RNF212: variants seen among roughly 807,000 people sequenced by gnomAD.
RNF212 encodes ring finger protein 212.
Under a neutral mutation model 34.7 loss-of-function variants are expected in RNF212, and 33 were observed. That is an observed-to-expected ratio of 0.95 (90% CI 0.72 to 1.27). The LOEUF (loss-of-function observed/expected upper bound fraction) is 1.27, where lower values mean the gene tolerates loss of function less well. RNF212 is among the 50% of genes most tolerant of loss of function. The pLI, the probability that RNF212 is intolerant of heterozygous loss-of-function variation, is 0.00. For synonymous variants in RNF212, 140 were observed against 136.1 expected (o/e 1.03, Z -0.20); for missense variants, 377 against 362.2 (o/e 1.04, Z -0.33).
intron 1 of RNF212, 41 bp from the exon 2 acceptor site, chr4:1,108,445 C>T: frequency 9.3e-7 from 1 of 1,072,772 alleles, no homozygotes; most frequent in Non-Finnish European, 1.3e-6. Context: ...AGACTGACTA[C>T]TACTTTTAAA....
downstream of RNF212, among the ~76,000 whole-genome samples, chr4:1,068,558 T>A (rs1718241124): frequency 6.6e-6 from 1 of 152,220 alleles, no homozygotes; most frequent in South Asian, 2.1e-4. Context: ...CAATACAGTG[T>A]TATCATTGTT....
At chr4:1,064,621 G>C (rs1280406764) in intron 3 of RNF212, among the ~76,000 whole-genome samples, 1 of 152,096 alleles carries the variant, frequency 6.6e-6, no homozygotes, top group Non-Finnish European at 1.5e-5. Flanking sequence ...AAGCTCCCTG[G>C]TGTCTCTTTT....
chr4:1,083,663 C>T (rs6853838), intron 5 of RNF212, among the ~76,000 whole-genome samples: 19 of 151,982 alleles, frequency 1.3e-4, no homozygotes, highest in African/African-American at 4.6e-4. Flanking sequence ...AACAAACAAA[C>T]AAACAAACAA....
intron 2 of RNF212, among the ~76,000 whole-genome samples, chr4:1,103,120 T>C (rs549273511): frequency 1.2e-3 from 190 of 152,292 alleles, no homozygotes; most frequent in African/African-American, 3.9e-3. Flanking sequence ...AACAAGCATA[T>C]TGATGACAAG....
At position 1,113,485 on chromosome 4, in the gene RNF212, G is replaced by C. The variant is rs1726154409; in HGVS notation, c.-21C>G. ...GCCATGCCAGGCGGGCGACCGCAGCGGCGAGGCCGGGCCCACGCGAAGCCC... is the reference window on the plus strand; with the variant it reads ...GCCATGCCAGGCGGGCGACCGCAGCCGCGAGGCCGGGCCCACGCGAAGCCC... On this transcript the variant is annotated 5_prime_UTR_variant, in exon 1 of 10. Transcript: ENST00000433731. The C allele has an allele frequency of 1.9e-6, 3 of 1,593,314 alleles. No homozygotes were observed. Among genetic ancestry groups the C allele is most frequent in the Non-Finnish European group, 2.6e-6 (3 of 1,167,284 alleles).
At chr4:1,060,571 C>A (rs1184206875) in intron 3 of RNF212, among the ~76,000 whole-genome samples, 1 of 152,248 alleles carries the variant, frequency 6.6e-6, no homozygotes, top group Admixed American at 6.5e-5. Flanking sequence ...CCCACAACAT[C>A]TTCCAGCGCA....
intron 2 of RNF212, among the ~76,000 whole-genome samples, chr4:1,097,361 T>C (rs1172879967): frequency 1.3e-5 from 2 of 151,984 alleles, no homozygotes; most frequent in Non-Finnish European, 2.9e-5. Flanking sequence ...TCTCAGCACT[T>C]TGGGAGGCCG....
intron 8 of RNF212, among the ~76,000 whole-genome samples, chr4:1,077,244 AC>A (rs1325639985): frequency 6.6e-6 from 1 of 152,172 alleles, no homozygotes; most frequent in Non-Finnish European, 1.5e-5. Flanking sequence ...AAACAAACAA[AC>A]AAAAAACAAA....
At chr4:1,067,918 T>C (rs975676944), downstream of RNF212, among the ~76,000 whole-genome samples, 2 of 147,368 alleles carry the variant, frequency 1.4e-5, no homozygotes, top group Admixed American at 1.3e-4. Flanking sequence ...ATCAAGAAAG[T>C]ACAAGGCCTG....
downstream of RNF212, among the ~76,000 whole-genome samples, chr4:1,067,573 A>G (rs77835163): frequency 3.5e-3 from 540 of 152,310 alleles, 5 homozygotes; most frequent in African/African-American, 0.013. Flanking sequence ...AAAAATAATG[A>G]AATACCTAGG....
intron 8 of RNF212, 38 bp from the exon 9 acceptor site, chr4:1,073,700 A>G (rs756694587): frequency 1.6e-5 from 23 of 1,451,010 alleles, no homozygotes; most frequent in Non-Finnish European, 2.2e-5. Context: ...TAAAATTCCA[A>G]TATTGCGGCT....
At chr4:1,083,921 T>C (rs1297919209) in intron 5 of RNF212, among the ~76,000 whole-genome samples, 1 of 148,538 alleles carries the variant, frequency 6.7e-6, no homozygotes, top group East Asian at 2.0e-4. Context: ...AGGAAAAAAA[T>C]GAAAGTAATT....
In RNF212 at chr4:1,090,350, G is replaced by A. The variant is rs74783365; in HGVS notation, c.303+432C>T. Among the ~76,000 whole-genome samples, 682 of 152,272 alleles carry A rather than the reference G, an allele frequency of 4.5e-3. 5 individuals carry two copies. The highest frequency in any genetic ancestry group is 0.015 in the African/African-American group (610 of 41,548). ...GGGTCACAAGCTGGCTTCCAGACTTGGGGAAGCGGCCCCAGGTTCCCTTGT... is the reference window on the plus strand; with the variant it reads ...GGGTCACAAGCTGGCTTCCAGACTTAGGGAAGCGGCCCCAGGTTCCCTTGT... On this transcript the variant is annotated intron_variant, in intron 4 of 9. Transcript: ENST00000433731.
intron 8 of RNF212, 21 bp downstream of exon 8, chr4:1,079,622 C>A: frequency 6.4e-7 from 1 of 1,563,228 alleles, no homozygotes; most frequent in Non-Finnish European, 8.8e-7. Flanking sequence ...CAGAGGAACT[C>A]AGCAGGAGAG....
intron 1 of RNF212, among the ~76,000 whole-genome samples, chr4:1,108,903 G>A (rs1398294707): frequency 2.6e-5 from 4 of 151,844 alleles, no homozygotes; most frequent in Admixed American, 1.3e-4. Flanking sequence ...GTCTCACTAT[G>A]TTGCCCACAC....
intron 2 of RNF212, among the ~76,000 whole-genome samples, chr4:1,103,884 T>A (rs1465294918): frequency 2.0e-5 from 3 of 152,094 alleles, no homozygotes. Flanking sequence ...TCCCAGCCAA[T>A]GCTGTAAAAA....
chr4:1,057,847 C>T (rs1488053762), intron 4 of RNF212, among the ~76,000 whole-genome samples: 4 of 152,168 alleles, frequency 2.6e-5, no homozygotes, highest in Non-Finnish European at 5.9e-5. Flanking sequence ...GGCAGATCAC[C>T]TGAGGTCGGG....
intron 3 of RNF212, among the ~76,000 whole-genome samples, chr4:1,059,889 G>T (rs1035758457): frequency 6.6e-5 from 10 of 152,146 alleles, no homozygotes; most frequent in Non-Finnish European, 1.2e-4. Context: ...GAGGTCGGGA[G>T]TTCAAGACCA....
At chr4:1,067,628 G>T (rs1718172411), downstream of RNF212, among the ~76,000 whole-genome samples, 1 of 152,214 alleles carries the variant, frequency 6.6e-6, no homozygotes, top group Non-Finnish European at 1.5e-5. Context: ...ACTTTGGAAG[G>T]CTGAGGTGGA....
Sources: allele counts gnomAD v4.1 joint callset (sites outside exome capture counted in the v4.1 genomes callset), GRCh38; gene constraint gnomAD v4.1.1; transcripts MANE v1.5; gene names NCBI Gene and HGNC (gene_info 2026-07-23, HGNC 2026-07-21).